Variants in RNF2 observed in about 807,000 individuals in gnomAD.
The protein encoded by RNF2 is ring finger protein 2, also known as E3 ubiquitin-protein ligase RING2.
Under a neutral mutation model 37.2 loss-of-function variants are expected in RNF2, and 6 were observed. The ratio of observed to expected loss-of-function variants is 0.16; its 90% CI spans 0.09 to 0.32. The LOEUF (loss-of-function observed/expected upper bound fraction) is 0.32. Among genes scored for constraint, RNF2 ranks in the 10% least tolerant of loss-of-function variants. RNF2 has a pLI of 1.00. For missense variants in RNF2, 251 were observed against 404.0 expected (o/e 0.62, Z 3.25); for synonymous variants, 133 against 132.7 (o/e 1.00, Z -0.02).
At chr1:185,069,117 A>T (rs192214610) in intron 1 of RNF2, among the ~76,000 whole-genome samples, 2 of 152,024 alleles carry the variant, frequency 1.3e-5, no homozygotes. Flanking sequence ...TTGCCTGTTA[A>T]TGTGCTATTT....
intron 4 of RNF2, among the ~76,000 whole-genome samples, chr1:185,096,615 G>C (rs1190478983): frequency 3.3e-5 from 5 of 151,546 alleles, no homozygotes; most frequent in Non-Finnish European, 5.9e-5. Flanking sequence ...TTACTTGACT[G>C]TAGGCCACCA....
chr1:185,090,853 A>C (rs1651747120), intron 2 of RNF2, among the ~76,000 whole-genome samples: 1 of 152,202 alleles, frequency 6.6e-6, no homozygotes, highest in Non-Finnish European at 1.5e-5. Context: ...TATGTCCTGA[A>C]ATTTTACATT....
chr1:185,055,910 T>C (rs905951848), intron 1 of RNF2, among the ~76,000 whole-genome samples: 1 of 151,844 alleles, frequency 6.6e-6, no homozygotes, highest in Non-Finnish European at 1.5e-5. Flanking sequence ...GCAAAAGTGC[T>C]TTTTTTTAAT....
At chr1:185,066,527 A>C (rs1425196308) in intron 1 of RNF2, among the ~76,000 whole-genome samples, 1 of 152,224 alleles carries the variant, frequency 6.6e-6, no homozygotes, top group Non-Finnish European at 1.5e-5. Flanking sequence ...ATGCCTTCTT[A>C]GCATTTATCA....
chr1:185,083,242 T>C (rs1651481622), intron 1 of RNF2, among the ~76,000 whole-genome samples: 1 of 152,216 alleles, frequency 6.6e-6, no homozygotes, highest in Non-Finnish European at 1.5e-5. Flanking sequence ...TTTTGATAGC[T>C]AGATTTATTC....
chr1:185,079,079 C>CT (rs58085875), intron 1 of RNF2, among the ~76,000 whole-genome samples: 5,083 of 130,264 alleles, frequency 0.039, 226 homozygotes, highest in African/African-American at 0.1. Context: ...TAGATCTTTT[C>CT]TTTTTTTTTT....
At chr1:185,076,351 C>T (rs532289974) in intron 1 of RNF2, among the ~76,000 whole-genome samples, 91 of 121,770 alleles carry the variant, frequency 7.5e-4, no homozygotes, top group Middle Eastern at 0.012. Context: ...AGTGCAGTGG[C>T]GCGATCTTGG....
chr1:185,100,381 A>G lies in RNF2; in HGVS notation c.*80A>G, dbSNP rs545959558. On this transcript the variant is annotated 3_prime_UTR_variant, in exon 7 of 7. Coordinates refer to ENST00000367510, the MANE Select transcript of RNF2 (RefSeq NM_007212.4). ...TTAAAGATGTACTGGCATTACTTTT[A>G]TGGACAGATCTTGGATATGTTGTTC... The G allele has an allele frequency of 2.7e-4, 233 of 878,094 alleles. No individual in the cohort carries two copies. The African/African-American group carries it at 3.6e-3, about 13-fold the overall frequency. 54.4% of individuals were successfully genotyped at this position (878,094 alleles called of 1,614,324 possible).
intron 1 of RNF2, among the ~76,000 whole-genome samples, chr1:185,049,313 T>C (rs939251953): frequency 6.6e-6 from 1 of 152,184 alleles, no homozygotes; most frequent in African/African-American, 2.4e-5. Context: ...TCACATTATT[T>C]CTAGGATATG....
At chr1:185,098,044 T>C in intron 4 of RNF2, 28 bp from the exon 5 acceptor site, 1 of 1,605,164 alleles carries the variant, frequency 6.2e-7, no homozygotes, top group South Asian at 1.1e-5. Flanking sequence ...AAGTAAATTT[T>C]ATGCATCCTT....
At chr1:185,082,080 T>C (rs1333266523) in intron 1 of RNF2, among the ~76,000 whole-genome samples, 1 of 152,154 alleles carries the variant, frequency 6.6e-6, no homozygotes, top group African/African-American at 2.4e-5. Context: ...TGTTGTTGCA[T>C]AGAATAAGAG....
chr1:185,062,428 A>G (rs1160896888), intron 1 of RNF2, among the ~76,000 whole-genome samples: 1 of 152,110 alleles, frequency 6.6e-6, no homozygotes, highest in Non-Finnish European at 1.5e-5. Context: ...CTTTGTCATG[A>G]ATTAGAAGAT....
At chr1:185,073,856 T>C (rs1192321119) in intron 1 of RNF2, among the ~76,000 whole-genome samples, 1 of 152,216 alleles carries the variant, frequency 6.6e-6, no homozygotes, top group Non-Finnish European at 1.5e-5. Context: ...ACCAACTGGG[T>C]GTCCAACAGT....
Position 185,100,408 on chromosome 1 carries a change from A to G in RNF2, c.*107A>G, listed in dbSNP as rs550044275. The G allele has an allele frequency of 5.0e-4, 321 of 639,820 alleles. 1 individual carries two copies. The highest frequency in any genetic ancestry group is 3.6e-3 in the Middle Eastern group (8 of 2,196). 39.6% of individuals were successfully genotyped at this position (639,820 alleles called of 1,614,324 possible). On this transcript the variant is annotated 3_prime_UTR_variant, in exon 7 of 7. Coordinates refer to ENST00000367510, the MANE Select transcript of RNF2 (RefSeq NM_007212.4). The stretch of plus-strand genomic sequence containing the variant: ...GGACAGATCTTGGATATGTTGTTCA[A>G]TTTTCTTTCTGAGCCAGACTAGTTT...
At chr1:185,060,288 A>G (rs1650560316) in intron 1 of RNF2, among the ~76,000 whole-genome samples, 1 of 152,200 alleles carries the variant, frequency 6.6e-6, no homozygotes, top group African/African-American at 2.4e-5. Context: ...ACTGATCTGT[A>G]TCATTAAGTC....
chr1:185,060,096 A>G lies in RNF2; in HGVS notation c.-3+14447A>G, dbSNP rs533122946. Among the ~76,000 whole-genome samples, 30 of 152,356 alleles carry G rather than the reference A, an allele frequency of 2.0e-4. No individual in the cohort carries two copies. The East Asian group carries it at 4.6e-3, about 23-fold the overall frequency. On this transcript the variant is annotated intron_variant, in intron 1 of 6. Coordinates refer to ENST00000367510, the MANE Select transcript of RNF2 (RefSeq NM_007212.4). ...TTTCTCTACCCAGGAAAGGATAACA[A>G]TCTTGGAATATACCACTTTGCAGAA...
intron 1 of RNF2, among the ~76,000 whole-genome samples, chr1:185,073,860 C>CA (rs1229968979): frequency 1.3e-5 from 2 of 152,142 alleles, no homozygotes; most frequent in African/African-American, 4.8e-5. Context: ...ACTGGGTGTC[C>CA]AACAGTTGAT....
rs569164205 is a variant in RNF2, at chr1:185,081,854, G to A, written c.-2-5698G>A. On this transcript the variant is annotated intron_variant, in intron 1 of 6. Coordinates refer to ENST00000367510, the MANE Select transcript of RNF2 (RefSeq NM_007212.4). Reference sequence around the variant, plus strand: ...GATTTGCTGAGCATATTTCTCAGATGTAATGGTTTTGCTGGGATTCAGAAA... The same window carrying A: ...GATTTGCTGAGCATATTTCTCAGATATAATGGTTTTGCTGGGATTCAGAAA... Among the ~76,000 whole-genome samples, 13 of 152,288 alleles carry A rather than the reference G, an allele frequency of 8.5e-5. No individual in the cohort carries two copies. In the South Asian group the frequency reaches 2.1e-3, roughly 24 times the overall value.
chr1:185,060,303 G>A (rs971190551), intron 1 of RNF2, among the ~76,000 whole-genome samples: 1 of 152,148 alleles, frequency 6.6e-6, no homozygotes, highest in Admixed American at 6.5e-5. Flanking sequence ...TAAGTCTACA[G>A]GTTTATTTAT....
Sources: gnomAD v4.1 joint callset for allele counts (sites outside exome capture counted in the v4.1 genomes callset) on GRCh38, gnomAD v4.1.1 for gene constraint, MANE v1.5 for transcripts, NCBI Gene and HGNC (gene_info 2026-07-23, HGNC 2026-07-21) for gene names.